Variants in CDH8 observed in about 807,000 individuals in gnomAD.
CDH8 encodes the protein cadherin 8, also known as cadherin-8.
CDH8 carries 17 observed loss-of-function variants against 68.1 expected under a neutral mutation model. That is an observed-to-expected ratio of 0.25 (90% CI 0.17 to 0.37). The LOEUF (loss-of-function observed/expected upper bound fraction) is 0.37, where lower values mean the gene tolerates loss of function less well. Among genes scored for constraint, CDH8 ranks in the 10% least tolerant of loss-of-function variants. The probability of loss-of-function intolerance (pLI) is 1.00; values close to 1 mark genes in which losing one functional copy is unlikely to be tolerated. For missense variants in CDH8, 763 were observed against 999.3 expected, an observed-to-expected ratio of 0.76 and a Z score of 3.19; for synonymous variants, 372 against 365.1, an observed-to-expected ratio of 1.02 and a Z score of -0.21.
chr16:61,795,815 T>C (rs1414052462), intron 7 of CDH8, among the ~76,000 whole-genome samples: 4 of 152,116 alleles, frequency 2.6e-5, no homozygotes, highest in African/African-American at 9.7e-5. Context: ...ACTATAGGTA[T>C]CTCCATAGAG....
Position 61,919,094 on chromosome 16 carries a change from A to G in CDH8, c.253-17621T>C, listed in dbSNP as rs1305748590. Among the ~76,000 whole-genome samples, 6 of 146,162 alleles carry G rather than the reference A, an allele frequency of 4.1e-5. 1 individual carries two copies. Among genetic ancestry groups the G allele is most frequent in the Non-Finnish European group, 7.5e-5 (5 of 67,030 alleles). ...CGGCAGGGTATTCCAACAGACCTGCAGCTGAGGGTCCTGTCTGTTAGAAGG... is the reference window on the plus strand; with the variant it reads ...CGGCAGGGTATTCCAACAGACCTGCGGCTGAGGGTCCTGTCTGTTAGAAGG... On this transcript the variant is annotated intron_variant, in intron 2 of 11. Transcript: ENST00000577390.
intron 2 of CDH8, among the ~76,000 whole-genome samples, chr16:61,953,928 A>ATATATATATATAT (rs1964941106): frequency 5.7e-5 from 7 of 123,840 alleles, no homozygotes; most frequent in African/African-American, 2.7e-4. Context: ...TATATATATA[A>ATATATATATATAT]AATACCTTAA....
chr16:61,966,469 C>T (rs1419910596), intron 2 of CDH8, among the ~76,000 whole-genome samples: 3 of 151,900 alleles, frequency 2.0e-5, no homozygotes, highest in Admixed American at 6.6e-5. Context: ...ACCTGGGAGG[C>T]GGAGGTTGCA....
intron 2 of CDH8, among the ~76,000 whole-genome samples, chr16:61,967,043 GA>G (rs919343304): frequency 2.6e-5 from 4 of 151,024 alleles, no homozygotes; most frequent in South Asian, 2.1e-4. Flanking sequence ...CTCTCTAGAA[GA>G]AAAAAAAATA....
At chr16:61,891,686 A>G (rs1597046001) in intron 3 of CDH8, among the ~76,000 whole-genome samples, 1 of 152,304 alleles carries the variant, frequency 6.6e-6, no homozygotes, top group African/African-American at 2.4e-5. Flanking sequence ...GAGTTTTGGA[A>G]CCACAGCTGC....
chr16:61,982,252 C>T (rs1965545685), intron 2 of CDH8, among the ~76,000 whole-genome samples: 2 of 152,060 alleles, frequency 1.3e-5, no homozygotes, highest in South Asian at 4.1e-4. Flanking sequence ...CAGAGTCTCG[C>T]TCTATCGCCC....
chr16:61,866,056 A>C (rs1963246872), intron 3 of CDH8, among the ~76,000 whole-genome samples: 2 of 150,876 alleles, frequency 1.3e-5, no homozygotes, highest in Non-Finnish European at 2.9e-5. Flanking sequence ...TGTCTCTACA[A>C]AAATATAAAA....
chr16:61,751,393 A>AC (rs1452992362), intron 8 of CDH8, among the ~76,000 whole-genome samples: 1 of 146,782 alleles, frequency 6.8e-6, no homozygotes, highest in Non-Finnish European at 1.5e-5. Context: ...AAAAAAAAAA[A>AC]AAAAAAAAAA....
At position 61,885,564 on chromosome 16, in the gene CDH8, T is replaced by C. The variant is rs546809384; in HGVS notation, c.547+15615A>G. On this transcript the variant is annotated intron_variant, in intron 3 of 11. Transcript: ENST00000577390. ...CTGTGAGTTGCTGTCAGAGCAGCTCTTAAGACGGATACTGGTATTTCTCCT... is the reference window on the plus strand; with the variant it reads ...CTGTGAGTTGCTGTCAGAGCAGCTCCTAAGACGGATACTGGTATTTCTCCT... Among the ~76,000 whole-genome samples the C allele has an allele frequency of 4.6e-5, 7 of 152,304 alleles. No homozygotes were observed. The South Asian group carries it at 1.4e-3, about 32-fold the overall frequency.
intron 10 of CDH8, among the ~76,000 whole-genome samples, chr16:61,666,349 A>G (rs974378155): frequency 2.0e-5 from 3 of 152,066 alleles, no homozygotes; most frequent in Admixed American, 6.6e-5. Flanking sequence ...GGCCATTATT[A>G]TTACTGTTAG....
intron 3 of CDH8, among the ~76,000 whole-genome samples, chr16:61,897,026 GA>G (rs1477816678): frequency 3.3e-5 from 5 of 150,146 alleles, no homozygotes; most frequent in Admixed American, 2.0e-4. Flanking sequence ...GTTTTTGGAA[GA>G]TATGTCGCAG....
At chr16:61,705,985 A>G (rs4784152) in intron 10 of CDH8, among the ~76,000 whole-genome samples, 16,689 of 152,220 alleles carry the variant, frequency 0.11, 919 homozygotes, top group East Asian at 0.12. Flanking sequence ...TCCAATTCCA[A>G]TTCTTAAGGG....
intron 3 of CDH8, among the ~76,000 whole-genome samples, chr16:61,858,455 C>T (rs1446714089): frequency 6.6e-6 from 1 of 152,124 alleles, no homozygotes; most frequent in African/African-American, 2.4e-5. Flanking sequence ...GAGGTCAGGG[C>T]CAATGTCTTC....
At chr16:61,979,561 T>C (rs1965496260) in intron 2 of CDH8, among the ~76,000 whole-genome samples, 1 of 151,986 alleles carries the variant, frequency 6.6e-6, no homozygotes, top group Non-Finnish European at 1.5e-5. Flanking sequence ...CAACCAAATG[T>C]AATAGGCACA....
chr16:61,933,675 T>C (rs74418933), intron 2 of CDH8, among the ~76,000 whole-genome samples: 1 of 152,194 alleles, frequency 6.6e-6, no homozygotes, highest in East Asian at 1.9e-4. Context: ...AGGATACTAA[T>C]TAATCTATGT....
At chr16:61,707,886 T>A (rs1439640283) in intron 10 of CDH8, among the ~76,000 whole-genome samples, 2 of 152,210 alleles carry the variant, frequency 1.3e-5, no homozygotes, top group Non-Finnish European at 2.9e-5. Context: ...CTGATTTTTA[T>A]GCTTGTAAGT....
intron 10 of CDH8, among the ~76,000 whole-genome samples, chr16:61,676,118 T>G (rs1005981487): frequency 6.6e-4 from 96 of 145,104 alleles, no homozygotes; most frequent in African/African-American, 2.4e-3. Context: ...TTTAAAAACT[T>G]AGTAAGATAC....
intron 2 of CDH8, among the ~76,000 whole-genome samples, chr16:61,984,323 G>C (rs963440426): frequency 6.6e-6 from 1 of 152,100 alleles, no homozygotes; most frequent in African/African-American, 2.4e-5. Flanking sequence ...TGAAGGTAAG[G>C]CATCAATATA....
chr16:62,004,297 A>G (rs1432456434), intron 2 of CDH8, among the ~76,000 whole-genome samples: 1 of 152,166 alleles, frequency 6.6e-6, no homozygotes, highest in Non-Finnish European at 1.5e-5. Flanking sequence ...ACTAACTCTC[A>G]TGCAATGATA....
Sources: gnomAD v4.1 joint callset for allele counts (sites outside exome capture counted in the v4.1 genomes callset) on GRCh38, gnomAD v4.1.1 for gene constraint, MANE v1.5 for transcripts, NCBI Gene and HGNC (gene_info 2026-07-23, HGNC 2026-07-21) for gene names.